The following USH2A variants were observed in gnomAD, a reference collection of about 807,000 sequenced individuals.
The protein encoded by USH2A is Usher syndrome 2A (autosomal recessive, mild).
In USH2A, 443 loss-of-function variants were observed where a neutral mutation model predicts 538.9. The ratio of observed to expected loss-of-function variants is 0.82; its 90% CI spans 0.76 to 0.89. The LOEUF (loss-of-function observed/expected upper bound fraction) is 0.89, where lower values mean the gene tolerates loss of function less well. Ranked by LOEUF, USH2A falls within the 40% of genes least tolerant of loss-of-function variation. USH2A has a pLI of 0.00. For missense variants in USH2A, 6,633 were observed against 6,324.8 expected (o/e 1.05, Z -1.65); for synonymous variants, 2,413 against 2,273.5 (o/e 1.06, Z -1.75).
rs560263357 is a variant in USH2A, at chr1:216,013,779, C to T, written c.6326-13217G>A. The stretch of plus-strand genomic sequence containing the variant: ...TATCTCCCTTCGCTGACTCTCTTTT[C>T]GGACTCAGCCCACCTGCACCCAGGT... On this transcript the variant is annotated intron_variant, in intron 32 of 71. Coordinates refer to ENST00000307340, the MANE Select transcript of USH2A (RefSeq NM_206933.4). 1.5e-3 allele frequency among the ~76,000 whole-genome samples: 224 copies of T among 152,174 alleles called. 2 individuals carry two copies. Among genetic ancestry groups the T allele is most frequent in the African/African-American group, 5.2e-3 (214 of 41,510 alleles).
At chr1:215,644,087 A>G (rs1043057699) in intron 67 of USH2A, among the ~76,000 whole-genome samples, 2 of 152,240 alleles carry the variant, frequency 1.3e-5, no homozygotes, top group Non-Finnish European at 2.9e-5. Context: ...CTTTGAATAT[A>G]GTATGGGTGA....
chr1:216,091,225 T>G (rs1357196578), intron 22 of USH2A, among the ~76,000 whole-genome samples: 1 of 152,200 alleles, frequency 6.6e-6, no homozygotes, highest in African/African-American at 2.4e-5. Flanking sequence ...TCAGACACAT[T>G]CAATAGATGC....
intron 3 of USH2A, among the ~76,000 whole-genome samples, chr1:216,388,838 T>C (rs1363312392): frequency 6.6e-6 from 1 of 152,240 alleles, no homozygotes; most frequent in South Asian, 2.1e-4. Context: ...TGAGGAATTC[T>C]TGCCTTTTGT....
At chr1:215,963,817 T>C (rs930208639) in intron 37 of USH2A, among the ~76,000 whole-genome samples, 1 of 152,038 alleles carries the variant, frequency 6.6e-6, no homozygotes, top group African/African-American at 2.4e-5. Context: ...AATACTAACA[T>C]GTAGAGGGTC....
chr1:215,882,311 T>C (rs1398792090), intron 41 of USH2A, among the ~76,000 whole-genome samples: 5 of 152,110 alleles, frequency 3.3e-5, no homozygotes, highest in Non-Finnish European at 5.9e-5. Flanking sequence ...AAATGTACCA[T>C]AAAGAAAGAT....
At chr1:216,232,461 T>C (rs2035718491) in intron 13 of USH2A, among the ~76,000 whole-genome samples, 1 of 152,228 alleles carries the variant, frequency 6.6e-6, no homozygotes, top group African/African-American at 2.4e-5. Context: ...TCAGTTGCTT[T>C]GCCTAGAACA....
intron 32 of USH2A, among the ~76,000 whole-genome samples, chr1:216,004,182 A>T (rs374332803): frequency 2.6e-5 from 4 of 152,318 alleles, no homozygotes; most frequent in African/African-American, 9.6e-5. Context: ...GGAGATTGTC[A>T]GGATATTTGA....
intron 11 of USH2A, among the ~76,000 whole-genome samples, chr1:216,275,370 A>G (rs1299596716): frequency 6.6e-6 from 1 of 152,134 alleles, no homozygotes; most frequent in African/African-American, 2.4e-5. Flanking sequence ...AAGATCTCAC[A>G]GAAGCATTTA....
intron 40 of USH2A, among the ~76,000 whole-genome samples, chr1:215,892,745 A>C (rs933898098): frequency 3.9e-5 from 6 of 152,212 alleles, no homozygotes; most frequent in African/African-American, 1.2e-4. Flanking sequence ...AGTTTTGCAG[A>C]AAAATGAACT....
intron 45 of USH2A, among the ~76,000 whole-genome samples, chr1:215,845,090 G>A (rs1663802645): frequency 6.6e-6 from 1 of 152,090 alleles, no homozygotes. Context: ...AAGCATGTCA[G>A]AAATAACTAT....
chr1:216,088,485 G>T (rs2032202061), intron 23 of USH2A, among the ~76,000 whole-genome samples: 1 of 152,096 alleles, frequency 6.6e-6, no homozygotes, highest in Non-Finnish European at 1.5e-5. Flanking sequence ...TTTAATAAAA[G>T]CCTGCATCAT....
chr1:215,993,020 C>T lies in USH2A; in HGVS notation c.6805G>A (p.Gly2269Ser), dbSNP rs1668037260. The change falls in exon 35 of 72, where the codon GGT (glycine) becomes AGT (serine). Residue 2269 changes from glycine to serine, a missense_variant and splice_region_variant. Transcript: ENST00000307340. ...CTTGAGGCTAAAAGAGTTCACTTAC[C>T]ATTCGGATATTCAGGCTCAGTCCAG... ...VSWTEPEYPN[G>S]VITSYGLYLD... 1 of 1,613,990 alleles carries T rather than the reference C, an allele frequency of 6.2e-7. No individual in the cohort carries two copies.
intron 4 of USH2A, among the ~76,000 whole-genome samples, chr1:216,346,408 G>C (rs1381565806): frequency 6.6e-6 from 1 of 152,068 alleles, no homozygotes; most frequent in African/African-American, 2.4e-5. Context: ...AGGCTGTCTT[G>C]TGTTTCGCAT....
chr1:216,178,226 T>C (rs936546773), intron 20 of USH2A, among the ~76,000 whole-genome samples: 2 of 152,212 alleles, frequency 1.3e-5, no homozygotes, highest in African/African-American at 4.8e-5. Context: ...ACAATTCTGG[T>C]TATTTTCTGC....
intron 61 of USH2A, among the ~76,000 whole-genome samples, chr1:215,721,715 G>T (rs1659665515): frequency 6.6e-6 from 1 of 152,034 alleles, no homozygotes; most frequent in African/African-American, 2.4e-5. Context: ...AAGGGTTAAA[G>T]ATTATGTAAG....
At chr1:216,131,607 G>T (rs543936602) in intron 21 of USH2A, among the ~76,000 whole-genome samples, 1 of 151,944 alleles carries the variant, frequency 6.6e-6, no homozygotes, top group African/African-American at 2.4e-5. Flanking sequence ...ATCAGTAAAG[G>T]GCCAGTATGT....
intron 13 of USH2A, among the ~76,000 whole-genome samples, chr1:216,239,772 T>G (rs1161530214): frequency 6.6e-6 from 1 of 152,104 alleles, no homozygotes; most frequent in Non-Finnish European, 1.5e-5. Context: ...GGCTTGGACC[T>G]GGCTGGTGTA....
intron 32 of USH2A, among the ~76,000 whole-genome samples, chr1:216,003,769 G>A (rs1668328077): frequency 6.6e-6 from 1 of 152,122 alleles, no homozygotes; most frequent in African/African-American, 2.4e-5. Flanking sequence ...GTTCTACTTA[G>A]GAAGACACTA....
Position 215,647,579 on chromosome 1 carries a change from G to T in USH2A, c.14734C>A (p.His4912Asn), listed in dbSNP as rs1367808676. The change falls in exon 67 of 72, where the codon CAC becomes AAC. Residue 4912 changes from histidine (H) to asparagine (N), a missense_variant. His to Asn is a moderately conservative substitution (Grantham distance 68, BLOSUM62 1). Coordinates refer to ENST00000307340, the MANE Select transcript of USH2A (RefSeq NM_206933.4). ...GAAGCCGTACTGCCCACCTCGTTGTGTGCCACCACTCTCAGCTTGTATGTG... is the reference window on the plus strand; with the variant it reads ...GAAGCCGTACTGCCCACCTCGTTGTTTGCCACCACTCTCAGCTTGTATGTG... Reference protein sequence around the residue: ...YTTYKLRVVAHNEVGSTASEW... With the variant: ...YTTYKLRVVANNEVGSTASEW... 4.3e-6 allele frequency: 7 copies of T among 1,614,018 alleles called. No individual in the cohort carries two copies. The highest frequency in any genetic ancestry group is 1.7e-6 in the Non-Finnish European group (2 of 1,180,034).
Sources: gnomAD v4.1 joint callset for allele counts (sites outside exome capture counted in the v4.1 genomes callset) on GRCh38, gnomAD v4.1.1 for gene constraint, MANE v1.5 for transcripts, NCBI Gene and HGNC (gene_info 2026-07-23, HGNC 2026-07-21) for gene names.